The following BTNL3 variants were observed in gnomAD, a reference collection of about 807,000 sequenced individuals.
The protein encoded by BTNL3 is butyrophilin-like protein 3.
In BTNL3, 20 loss-of-function variants were observed where a neutral mutation model predicts 40.1. The ratio of observed to expected loss-of-function variants is 0.50; its 90% CI spans 0.35 to 0.72. BTNL3 has a LOEUF of 0.72. Ranked by LOEUF, BTNL3 falls within the 30% of genes least tolerant of loss-of-function variation. The probability of loss-of-function intolerance (pLI) is 0.01; values close to 1 mark genes in which losing one functional copy is unlikely to be tolerated. For missense variants in BTNL3, 449 were observed against 582.2 expected, an observed-to-expected ratio of 0.77 and a Z score of 2.35; for synonymous variants, 179 against 222.1, an observed-to-expected ratio of 0.81 and a Z score of 1.73.
At chr5:181,001,500 T>TTGGGG (rs566492732) in intron 3 of BTNL3, among the ~76,000 whole-genome samples, 1 of 116,328 alleles carries the variant, frequency 8.6e-6, no homozygotes, top group Admixed American at 9.3e-5. Context: ...TTTTTATAGA[T>TTGGGG]GGGGGGGGGT....
At position 180,992,272 on chromosome 5, in the gene BTNL3, G is replaced by A. The variant is rs1056618423; in HGVS notation, c.50-541G>A. On this transcript the variant is annotated intron_variant, in intron 1 of 7. Coordinates refer to ENST00000342868, the MANE Select transcript of BTNL3 (RefSeq NM_197975.3). ...GAAGCACAAATAAATGTGCTTCAGC[G>A]GAGAATATATATTCCTTTCTTGTAT... is the stretch of plus-strand genomic sequence containing the variant. 4.4e-5 allele frequency among the ~76,000 whole-genome samples: 6 copies of A among 137,110 alleles called. 2 individuals are homozygous for A. The highest frequency in any genetic ancestry group is 6.7e-5 in the Non-Finnish European group (4 of 59,914). The allele number at this position is 137,110 out of a possible 152,430, so 89.9% of individuals were successfully genotyped here. A position where few individuals can be genotyped will look rare whatever the true frequency, so the allele number is the denominator to read the frequency against.
chr5:181,002,842 A>T, intron 4 of BTNL3, 57 bp downstream of exon 4: 2 of 1,419,898 alleles, frequency 1.4e-6, no homozygotes, highest in Non-Finnish European at 1.9e-6. Flanking sequence ...AGTGGAGCTG[A>T]TATCAGGCTG....
intron 4 of BTNL3, among the ~76,000 whole-genome samples, chr5:181,003,274 A>C (rs1268669769): frequency 7.4e-6 from 1 of 135,438 alleles, no homozygotes; most frequent in East Asian, 2.2e-4. Context: ...TAGGAGGTTG[A>C]GATGGGAGGA....
intron 1 of BTNL3, 129 bp from the exon 2 acceptor site, chr5:180,992,684 C>A (rs1403756415): frequency 2.6e-6 from 3 of 1,145,074 alleles, no homozygotes; most frequent in Non-Finnish European, 3.6e-6. Context: ...TGTGCAAATG[C>A]AAGTCATCAG....
At position 180,990,276 on chromosome 5, in the gene BTNL3, T is replaced by G. The variant is rs141566441; in HGVS notation, c.49+1199T>G. 2.2e-5 allele frequency among the ~76,000 whole-genome samples: 3 copies of G among 138,152 alleles called. 1 individual carries two copies. In the East Asian group the frequency reaches 6.4e-4, roughly 30 times the overall value. 90.6% of individuals were successfully genotyped at this position (138,152 alleles called of 152,430 possible). On this transcript the variant is annotated intron_variant, in intron 1 of 7. Transcript: ENST00000342868. ...TTTCTGTCTGCTTTCTGTTTCTGCA[T>G]GAGGCAGCAGGGCATGCTGGAAATG... is the stretch of plus-strand genomic sequence containing the variant.
At chr5:181,004,794 T>C (rs1357299550) in intron 7 of BTNL3, 32 bp downstream of exon 7, 13 of 1,613,380 alleles carry the variant, frequency 8.1e-6, no homozygotes, top group African/African-American at 1.3e-5. Context: ...ACAGTGGGCA[T>C]GGAGTAGGAA....
chr5:181,006,565 C>G lies in BTNL3; in HGVS notation c.*693C>G, dbSNP rs531719634. ...TCCATATCCCTCATTAACACAGACA[C>G]AAAAATTCTAAATAAAATTTTAACA... On this transcript the variant is annotated 3_prime_UTR_variant, in exon 8 of 8. Transcript: ENST00000342868. 1 of 152,140 alleles carries G rather than the reference C, an allele frequency of 6.6e-6. No homozygotes were observed. Among genetic ancestry groups the G allele is most frequent in the Non-Finnish European group, 1.5e-5 (1 of 68,044 alleles). The allele number at this position is 152,140 out of a possible 1,614,324, so 9.4% of individuals were successfully genotyped here. A position where few individuals can be genotyped will look rare whatever the true frequency, so the allele number is the denominator to read the frequency against.
chr5:180,998,385 GA>G lies in BTNL3; in HGVS notation c.673+903del, dbSNP rs1207122380. Among the ~76,000 whole-genome samples, 3 of 135,744 alleles carry G rather than the reference GA, an allele frequency of 2.2e-5. 1 individual carries two copies. Among genetic ancestry groups the G allele is most frequent in the Middle Eastern group, 3.6e-3 (1 of 276 alleles). 89.1% of individuals were successfully genotyped at this position (135,744 alleles called of 152,430 possible). Reference sequence around the variant, plus strand: ...ACATAGAAAATATCAACAGAAATAAGAAAAAAGGTCATACTTCGAGTTCTAA... The same window carrying G: ...ACATAGAAAATATCAACAGAAATAAGAAAAAGGTCATACTTCGAGTTCTAA... On this transcript the variant is annotated intron_variant, in intron 3 of 7. Transcript: ENST00000342868.
Position 181,005,609 on chromosome 5 carries a change from C to T in BTNL3, c.1138C>T (p.Leu380Phe), listed in dbSNP as rs754873305. 71 of 1,613,890 alleles carry T rather than the reference C, an allele frequency of 4.4e-5. No homozygotes were observed. The highest frequency in any genetic ancestry group is 5.6e-5 in the Non-Finnish European group (66 of 1,179,994). The stretch of plus-strand genomic sequence containing the variant: ...GTCTCCCAACAATGGGTATTGGGTC[C>T]TCAGACTGACAACAGAACATTTGTA... ...TLSPNNGYWV[L>F]RLTTEHLYFT... The change falls in exon 8 of 8, where the codon CTC (leucine) becomes TTC (phenylalanine). Residue 380 changes from leucine to phenylalanine, a missense_variant. Around this residue, in one of 2 missense-constraint regions of BTNL3, gnomAD observed 126 missense variants for 117.2 expected, o/e 1.07. Transcript: ENST00000342868.
Position 181,005,473 on chromosome 5 carries a change from G to A in BTNL3, c.1002G>A (p.Gln334=), listed in dbSNP as rs1176253227. 6.2e-7 allele frequency: 1 copy of A among 1,613,972 alleles called. No homozygotes were observed. The highest frequency in any genetic ancestry group is 8.5e-7 in the Non-Finnish European group (1 of 1,180,022). Reference sequence around the variant, plus strand: ...CAAGGAAGAGTGTGGTGGCTTCTCAGGGTTTCCAAGCAGGGAAACATTACT... The same window carrying A: ...CAAGGAAGAGTGTGGTGGCTTCTCAAGGTTTCCAAGCAGGGAAACATTACT... The part of the protein sequence containing the change: ...RFTRKSVVAS[Q]GFQAGKHYWE... The change falls in exon 8 of 8, where the codon CAG becomes CAA. Residue 334 remains glutamine (Q), a synonymous_variant. Coordinates refer to ENST00000342868, the MANE Select transcript of BTNL3 (RefSeq NM_197975.3).
Position 181,005,601 on chromosome 5 carries a change from A to G in BTNL3, c.1130A>G (p.Tyr377Cys), listed in dbSNP as rs1760212030. The change falls in exon 8 of 8, where the codon TAT becomes TGT. Residue 377 changes from tyrosine to cysteine, a missense_variant. Tyr to Cys is a radical substitution (Grantham distance 194, BLOSUM62 -2). Around this residue, in one of 2 missense-constraint regions of BTNL3, gnomAD observed 126 missense variants for 117.2 expected, o/e 1.07. Transcript: ENST00000342868. ...NNVTLSPNNG[Y>C]WVLRLTTEHL... ...GTGACTTTGTCTCCCAACAATGGGT[A>G]TTGGGTCCTCAGACTGACAACAGAA... 8 of 1,613,988 alleles carry G rather than the reference A, an allele frequency of 5.0e-6. No homozygotes were observed. Among genetic ancestry groups the G allele is most frequent in the Non-Finnish European group, 6.8e-6 (8 of 1,179,984 alleles).
At position 181,005,493 on chromosome 5, in the gene BTNL3, A is replaced by G; in HGVS notation, c.1022A>G (p.His341Arg). The G allele has an allele frequency of 1.2e-6, 2 of 1,614,134 alleles. No homozygotes were observed. Among genetic ancestry groups the G allele is most frequent in the Non-Finnish European group, 1.7e-6 (2 of 1,180,024 alleles). ...TCTCAGGGTTTCCAAGCAGGGAAAC[A>G]TTACTGGGAGGTGGACGTGGGACAA... ...VASQGFQAGKHYWEVDVGQNV... is the reference protein window; with the variant it reads ...VASQGFQAGKRYWEVDVGQNV... Residue 341 changes from histidine (H) to arginine (R), a missense_variant, in exon 8 of 8, where the codon CAT becomes CGT. Transcript: ENST00000342868.
At chr5:181,004,784 AC>A in intron 7 of BTNL3, 22 bp downstream of exon 7, 3 of 1,614,182 alleles carry the variant, frequency 1.9e-6, no homozygotes, top group Non-Finnish European at 2.5e-6. Flanking sequence ...TGAGAGGGTA[AC>A]AGTGGGCATG....
Position 181,006,174 on chromosome 5 carries a change from C to T in BTNL3, c.*302C>T, listed in dbSNP as rs1013804397. ...TTTGTGAAAACTCCATCCAGCTAAGCGATCTTGAACAAGTCACAACCTCCC... is the reference window on the plus strand; with the variant it reads ...TTTGTGAAAACTCCATCCAGCTAAGTGATCTTGAACAAGTCACAACCTCCC... On this transcript the variant is annotated 3_prime_UTR_variant, in exon 8 of 8. Coordinates refer to ENST00000342868, the MANE Select transcript of BTNL3 (RefSeq NM_197975.3). 2.6e-5 allele frequency: 11 copies of T among 429,068 alleles called. No homozygotes were observed. The highest frequency in any genetic ancestry group is 3.7e-5 in the Non-Finnish European group (9 of 245,022). 26.6% of individuals were successfully genotyped at this position (429,068 alleles called of 1,614,324 possible). A position where few individuals can be genotyped will look rare whatever the true frequency, so the allele number is the denominator to read the frequency against.
intron 3 of BTNL3, among the ~76,000 whole-genome samples, chr5:180,998,129 G>T (rs10064762): frequency 0.21 from 27,725 of 134,944 alleles, 6,950 homozygotes; most frequent in African/African-American, 0.35. Context: ...AAATCTCAAT[G>T]GCAATTCATA....
Position 180,992,733 on chromosome 5 carries a change from C to G in BTNL3, c.50-80C>G, listed in dbSNP as rs1224402355. 7.1e-6 allele frequency: 10 copies of G among 1,405,812 alleles called. 3 individuals are homozygous for G. The highest frequency in any genetic ancestry group is 9.7e-6 in the Non-Finnish European group (10 of 1,026,780). The allele number at this position is 1,405,812 out of a possible 1,614,324, so 87.1% of individuals were successfully genotyped here. A position where few individuals can be genotyped will look rare whatever the true frequency, so the allele number is the denominator to read the frequency against. On this transcript the variant is annotated intron_variant, in intron 1 of 7. Coordinates refer to ENST00000342868, the MANE Select transcript of BTNL3 (RefSeq NM_197975.3). ...ACTGATGGATCCCCCACCCCATACC[C>G]CACACTTCTCCACCCACCAGAGCCC...
chr5:181,003,964 C>T, intron 5 of BTNL3, 88 bp downstream of exon 5: 1 of 1,611,284 alleles, frequency 6.2e-7, no homozygotes, highest in Non-Finnish European at 8.5e-7. Context: ...ACCCTGGCTG[C>T]AGGCTGGACA....
At chr5:180,996,562 G>A (rs1410686372) in intron 2 of BTNL3, among the ~76,000 whole-genome samples, 3 of 136,602 alleles carry the variant, frequency 2.2e-5, no homozygotes, top group Non-Finnish European at 3.4e-5. Flanking sequence ...TTCAGATCTT[G>A]TCTCACACCC....
At chr5:180,998,760 C>A (rs1760067135) in intron 3 of BTNL3, among the ~76,000 whole-genome samples, 1 of 137,604 alleles carries the variant, frequency 7.3e-6, no homozygotes, top group African/African-American at 2.5e-5. Context: ...GTAGAAAATT[C>A]TTAAAACTGA....
Sources: allele counts gnomAD v4.1 joint callset (sites outside exome capture counted in the v4.1 genomes callset), GRCh38; gene constraint gnomAD v4.1.1; regional missense constraint gnomAD v4.1.1; transcripts MANE v1.5; gene names NCBI Gene and HGNC (gene_info 2026-07-23, HGNC 2026-07-21).